VCL: variants seen among roughly 807,000 people sequenced by gnomAD.
The protein encoded by VCL is vinculin.
In VCL, 47 loss-of-function variants were observed where a neutral mutation model predicts 125.7. The ratio of observed to expected loss-of-function variants is 0.37; its 90% CI spans 0.30 to 0.48. The LOEUF is 0.48. Ranked by LOEUF, VCL falls within the 20% of genes least tolerant of loss-of-function variation. The pLI is 0.99. For synonymous variants in VCL, 458 were observed against 514.6 expected (o/e 0.89, Z 1.49); for missense variants, 1,069 against 1,455.5 (o/e 0.73, Z 4.32).
intron 14 of VCL, among the ~76,000 whole-genome samples, chr10:74,101,357 A>AT (rs1840052325): frequency 6.6e-6 from 1 of 151,536 alleles, no homozygotes; most frequent in Non-Finnish European, 1.5e-5. Context: ...GTGGTGGCGC[A>AT]TGCCTGTGAA....
chr10:74,036,093 A>G (rs1192966827), intron 1 of VCL, among the ~76,000 whole-genome samples: 1 of 152,206 alleles, frequency 6.6e-6, no homozygotes, highest in African/African-American at 2.4e-5. Flanking sequence ...ACATGACTAT[A>G]TTTATTATAA....
rs1840357010 is a variant in VCL at position 74,119,134 on chromosome 10, T to A, written c.*965T>A. On this transcript the variant is annotated 3_prime_UTR_variant, in exon 22 of 22. Transcript: ENST00000211998. ...CATTTTGAGCTGAAATGCTGCATTT[T>A]AATTTTAACCAAAACATGTCTCCTA... is the stretch of plus-strand genomic sequence containing the variant. 1 of 137,710 alleles carries A rather than the reference T, an allele frequency of 7.3e-6. No homozygotes were observed. The highest frequency in any genetic ancestry group is 2.6e-5 in the African/African-American group (1 of 37,880). The allele number at this position is 137,710 out of a possible 1,614,324, so 8.5% of individuals were successfully genotyped here. A position where few individuals can be genotyped will look rare whatever the true frequency, so the allele number is the denominator to read the frequency against.
At chr10:74,116,127 G>A (rs1467637330) in intron 21 of VCL, among the ~76,000 whole-genome samples, 1 of 152,136 alleles carries the variant, frequency 6.6e-6, no homozygotes, top group Non-Finnish European at 1.5e-5. Flanking sequence ...CACCCAACGT[G>A]GGGAACTCAA....
At chr10:74,038,212 G>A (rs1256387493) in intron 1 of VCL, among the ~76,000 whole-genome samples, 1 of 152,056 alleles carries the variant, frequency 6.6e-6, no homozygotes, top group African/African-American at 2.4e-5. Context: ...GGCCAGGGTG[G>A]TCTCGAATTC....
intron 2 of VCL, among the ~76,000 whole-genome samples, chr10:74,059,002 T>G (rs1056353735): frequency 6.6e-6 from 1 of 152,124 alleles, no homozygotes; most frequent in African/African-American, 2.4e-5. Flanking sequence ...TCTTTATAAG[T>G]AGTGCTGAAC....
At chr10:74,084,315 G>A (rs935178021) in intron 8 of VCL, among the ~76,000 whole-genome samples, 6 of 150,232 alleles carry the variant, frequency 4.0e-5, no homozygotes, top group African/African-American at 1.2e-4. Flanking sequence ...ATTTAGAGAC[G>A]GAGTCTCGCT....
At chr10:74,007,778 G>T (rs1340501059) in intron 1 of VCL, among the ~76,000 whole-genome samples, 2 of 152,154 alleles carry the variant, frequency 1.3e-5, no homozygotes, top group Non-Finnish European at 2.9e-5. Flanking sequence ...TTACAGGCAT[G>T]AGCCGCTGCG....
chr10:74,068,899 T>C (rs529278435), intron 2 of VCL, among the ~76,000 whole-genome samples: 2 of 152,054 alleles, frequency 1.3e-5, no homozygotes, highest in African/African-American at 4.8e-5. Flanking sequence ...AATATGTGTA[T>C]ATGCTTGTGT....
intron 2 of VCL, among the ~76,000 whole-genome samples, chr10:74,061,300 A>C (rs547425618): frequency 1.3e-5 from 2 of 152,252 alleles, no homozygotes; most frequent in South Asian, 4.1e-4. Flanking sequence ...TTAAATTTTA[A>C]TGTGCAGATC....
chr10:74,108,853 G>GA, intron 17 of VCL, 118 bp from the exon 18 acceptor site: 1 of 1,070,086 alleles, frequency 9.3e-7, no homozygotes, highest in South Asian at 1.3e-5. Flanking sequence ...CAGTGTGGGT[G>GA]GTCTTATGTG....
intron 2 of VCL, among the ~76,000 whole-genome samples, chr10:74,048,840 G>A (rs919442537): frequency 6.6e-6 from 1 of 152,152 alleles, no homozygotes; most frequent in East Asian, 1.9e-4. Context: ...TAATTGAGAG[G>A]TCAGGCGTGG....
rs1372925044 is a variant in VCL at position 74,094,274 on chromosome 10, G to A, written c.1356G>A (p.Gly452=). 1.2e-6 allele frequency: 2 copies of A among 1,614,002 alleles called. No individual in the cohort carries two copies. The highest frequency in any genetic ancestry group is 1.7e-6 in the Non-Finnish European group (2 of 1,180,044). ...TSKLADLRRQ[G]KGDSPEARAL... is the part of the protein sequence containing the mutation. ...ATGGCTGTCTTTTTCTCTGTAGGGG[G>A]AAAGGAGATTCTCCAGAGGCTCGAG... Residue 452 remains glycine, a synonymous_variant, in exon 11 of 22, where the codon GGG becomes GGA. Coordinates refer to ENST00000211998, the MANE Select transcript of VCL (RefSeq NM_014000.3).
intron 1 of VCL, among the ~76,000 whole-genome samples, chr10:74,038,229 T>C (rs1348983683): frequency 6.6e-6 from 1 of 152,178 alleles, no homozygotes; most frequent in Non-Finnish European, 1.5e-5. Context: ...ATTCCTGATA[T>C]CAGGTGTTCC....
Position 74,107,349 on chromosome 10 carries a change from C to T in VCL, c.2554C>T (p.Leu852Phe). The T allele has an allele frequency of 1.9e-6, 3 of 1,614,220 alleles. No individual in the cohort carries two copies. The highest frequency in any genetic ancestry group is 2.5e-6 in the Non-Finnish European group (3 of 1,180,040). ...FPPPPPDLEQ[L>F]RLTDELAPPK... ...GCCGCCTCCACCAGACCTTGAACAA[C>T]TCCGAGTAAGTAAATTCAGATATGC... The change falls in exon 17 of 22, where the codon CTC (leucine) becomes TTC (phenylalanine). Residue 852 changes from leucine to phenylalanine, a missense_variant. Around this residue, in one of 6 missense-constraint regions of VCL, gnomAD observed 760 missense variants for 928.9 expected, o/e 0.82. Coordinates refer to ENST00000211998, the MANE Select transcript of VCL (RefSeq NM_014000.3).
intron 2 of VCL, among the ~76,000 whole-genome samples, chr10:74,064,804 A>G (rs1841540491): frequency 6.6e-6 from 1 of 152,270 alleles, no homozygotes; most frequent in African/African-American, 2.4e-5. Flanking sequence ...TAGAAAATTT[A>G]TAAAAATAAA....
chr10:74,059,272 T>G (rs2136263351), intron 2 of VCL, among the ~76,000 whole-genome samples: 1 of 151,828 alleles, frequency 6.6e-6, no homozygotes, highest in African/African-American at 2.4e-5. Flanking sequence ...GAGAATCACT[T>G]GAGTGTGGGA....
rs1242018227 is a variant in VCL, at chr10:74,070,742, T to C, written c.312T>C (p.Ala104=). Residue 104 remains alanine, a synonymous_variant, in exon 3 of 22, where the codon GCT becomes GCC. Transcript: ENST00000211998. ...MLQSDPYSVP[A]RDYLIDGSRG... is the part of the protein sequence containing the mutation. Reference sequence around the variant, plus strand: ...AGTCAGACCCTTACTCAGTGCCTGCTCGAGATTATCTAATTGATGGGTCAA... The same window carrying C: ...AGTCAGACCCTTACTCAGTGCCTGCCCGAGATTATCTAATTGATGGGTCAA... 1.2e-6 allele frequency: 2 copies of C among 1,614,158 alleles called. No individual in the cohort carries two copies. Among genetic ancestry groups the C allele is most frequent in the Non-Finnish European group, 1.7e-6 (2 of 1,180,018 alleles).
intron 1 of VCL, among the ~76,000 whole-genome samples, chr10:74,008,039 G>A (rs749193409): frequency 1.3e-5 from 2 of 151,658 alleles, no homozygotes; most frequent in South Asian, 2.1e-4. Context: ...CCTGACCTGA[G>A]GTGATCTACC....
intron 2 of VCL, among the ~76,000 whole-genome samples, chr10:74,060,033 G>T (rs112800912): frequency 0.022 from 3,281 of 151,956 alleles, 54 homozygotes; most frequent in East Asian, 0.058. Flanking sequence ...ATGGTGATGT[G>T]CACCTATAGT....
Sources: allele counts gnomAD v4.1 joint callset (sites outside exome capture counted in the v4.1 genomes callset), GRCh38; gene constraint gnomAD v4.1.1; regional missense constraint gnomAD v4.1.1; transcripts MANE v1.5; gene names NCBI Gene and HGNC (gene_info 2026-07-23, HGNC 2026-07-21).